Variants in KCNK18 observed in about 807,000 individuals in gnomAD.
The protein encoded by KCNK18 is potassium two pore domain channel subfamily K member 18.
A neutral mutation model predicts 11.8 loss-of-function variants in KCNK18; 8 were observed. That is an observed-to-expected ratio of 0.68 (90% CI 0.40 to 1.22). The LOEUF is 1.22. KCNK18 is among the 50% of genes most tolerant of loss of function. The probability of loss-of-function intolerance (pLI) is 0.01; values close to 1 mark genes in which losing one functional copy is unlikely to be tolerated. For synonymous variants in KCNK18, 208 were observed against 185.8 expected, an observed-to-expected ratio of 1.12 and a Z score of -0.97; for missense variants, 442 against 465.4, an observed-to-expected ratio of 0.95 and a Z score of 0.46.
intron 2 of KCNK18, among the ~76,000 whole-genome samples, chr10:117,203,166 C>T (rs1379102754): frequency 2.6e-5 from 4 of 151,850 alleles, no homozygotes; most frequent in Non-Finnish European, 5.9e-5. Context: ...CGTGAGACAC[C>T]GCGCCTGGCC....
intron 1 of KCNK18, among the ~76,000 whole-genome samples, chr10:117,198,096 C>T (rs1854971563): frequency 6.6e-6 from 1 of 152,118 alleles, no homozygotes. Flanking sequence ...GGTTGGGGGG[C>T]TAGCTTGCTT....
In KCNK18 at chr10:117,209,949, CTGGA is replaced by C. The variant is rs1564992790; in HGVS notation, c.808_811del (p.Asp270LysfsTer61). ...ACTCTCATACTCCATCATCAGCAAC[CTGGA>C]TGAAGTTGGACAGCAGGTGGAGAGG... On this transcript the variant is annotated frameshift_variant, in exon 3 of 3. Transcript: ENST00000334549. LOFTEE classifies it low-confidence loss of function (END_TRUNC). 1 of 1,614,216 alleles carries C rather than the reference CTGGA, an allele frequency of 6.2e-7. No homozygotes were observed. The highest frequency in any genetic ancestry group is 1.1e-5 in the South Asian group (1 of 91,082).
intron 2 of KCNK18, among the ~76,000 whole-genome samples, chr10:117,206,477 C>T (rs143162600): frequency 4.9e-4 from 75 of 152,278 alleles, no homozygotes; most frequent in Admixed American, 1.0e-3. Context: ...CGACAAAGAC[C>T]CACTTACCAA....
intron 2 of KCNK18, among the ~76,000 whole-genome samples, chr10:117,205,448 C>T (rs1392863047): frequency 6.6e-6 from 1 of 152,084 alleles, no homozygotes; most frequent in Middle Eastern, 3.2e-3. Context: ...CCAGAGGCAG[C>T]CAAAAAGGCT....
At chr10:117,209,429 T>C (rs1421085383) in intron 2 of KCNK18, 68 bp from the exon 3 acceptor site, 9 of 1,329,152 alleles carry the variant, frequency 6.8e-6, no homozygotes, top group Admixed American at 1.7e-5. Context: ...AGAAGGTCTC[T>C]TTAAAGCTTT....
At chr10:117,198,094 G>A (rs1325701577) in intron 1 of KCNK18, among the ~76,000 whole-genome samples, 3 of 152,092 alleles carry the variant, frequency 2.0e-5, no homozygotes, top group Non-Finnish European at 4.4e-5. Flanking sequence ...GGGGTTGGGG[G>A]GCTAGCTTGC....
intron 2 of KCNK18, among the ~76,000 whole-genome samples, chr10:117,205,592 G>T (rs989321606): frequency 1.3e-5 from 2 of 152,166 alleles, no homozygotes; most frequent in African/African-American, 4.8e-5. Flanking sequence ...GTCCTGCTGA[G>T]ATTTCTGCCA....
chr10:117,209,897 C>T lies in KCNK18; in HGVS notation c.753C>T (p.Asn251=), dbSNP rs1336162132. 1.9e-6 allele frequency: 3 copies of T among 1,614,102 alleles called. No individual in the cohort carries two copies. Among genetic ancestry groups the T allele is most frequent in the Non-Finnish European group, 2.5e-6 (3 of 1,180,040 alleles). ...CCCCACAAGCCATGGAGAGGAGTAA[C>T]TCGTGTCCCGAACTGGTGTTGGGAA... ...QLPPQAMERS[N]SCPELVLGRL... is the part of the protein sequence containing the mutation. Residue 251 remains asparagine, a synonymous_variant, in exon 3 of 3, where the codon AAC becomes AAT. Transcript: ENST00000334549.
chr10:117,197,566 C>T lies in KCNK18; in HGVS notation c.78C>T (p.Phe26=), dbSNP rs750015105. Residue 26 remains phenylalanine (F), a synonymous_variant, in exon 1 of 3, where the codon TTC becomes TTT. Transcript: ENST00000334549. ...ALGKLFPGLC[F]LCFLVTYALV... is the part of the protein sequence containing the mutation. ...GAAAGCTCTTCCCTGGCCTCTGCTT[C>T]CTCTGCTTTCTGGTGACCTACGCCC... 10 of 1,614,134 alleles carry T rather than the reference C, an allele frequency of 6.2e-6. No homozygotes were observed. The South Asian group carries it at 9.9e-5, about 16-fold the overall frequency.
chr10:117,197,793 G>C lies in KCNK18; in HGVS notation c.223+82G>C, dbSNP rs1292495175. 3.1e-6 allele frequency: 4 copies of C among 1,276,302 alleles called. No individual in the cohort carries two copies. The East Asian group carries it at 9.7e-5, about 31-fold the overall frequency. 79.1% of individuals were successfully genotyped at this position (1,276,302 alleles called of 1,614,324 possible). A position where few individuals can be genotyped will look rare whatever the true frequency, so the allele number is the denominator to read the frequency against. The stretch of plus-strand genomic sequence containing the variant: ...AAGAGCAGAGGGCTGCCTTCTAGGA[G>C]GCTGGGTCTGGGAGCTGCCTGCCTG... On this transcript the variant is annotated intron_variant, in intron 1 of 2. Transcript: ENST00000334549.
At position 117,197,613 on chromosome 10, in the gene KCNK18, C is replaced by G. The variant is rs771076173; in HGVS notation, c.125C>G (p.Ser42Cys). 9 of 1,614,042 alleles carry G rather than the reference C, an allele frequency of 5.6e-6. No individual in the cohort carries two copies. The Admixed American group carries it at 8.3e-5, about 15-fold the overall frequency. Residue 42 changes from serine (S) to cysteine (C), a missense_variant, in exon 1 of 3, where the codon TCT (serine) becomes TGT (cysteine). By Grantham distance (112) the Ser-to-Cys change is moderately radical. Coordinates refer to ENST00000334549, the MANE Select transcript of KCNK18 (RefSeq NM_181840.1). ...GCCCTGGTGGGTGCTGTGGTCTTCTCTGCCATTGAGGACGGCCAGGTCCTG... is the reference window on the plus strand; with the variant it reads ...GCCCTGGTGGGTGCTGTGGTCTTCTGTGCCATTGAGGACGGCCAGGTCCTG... ...TYALVGAVVF[S>C]AIEDGQVLVA...
Position 117,209,743 on chromosome 10 carries a change from CT to C in KCNK18, c.600del (p.Gln201ArgfsTer34). The C allele has an allele frequency of 6.2e-7, 1 of 1,614,176 alleles. No homozygotes were observed. The highest frequency in any genetic ancestry group is 8.5e-7 in the Non-Finnish European group (1 of 1,180,046). Reference protein sequence around the residue: ...PDPKPADEAVPQIIISAEELP... With the variant: ...PDPKPADEAVXQIIISAEELP... The stretch of plus-strand genomic sequence containing the variant: ...CCCAAGCCCGCAGATGAAGCTGTCC[CT>C]CAGATCATCATCAGTGCTGAAGAGC... On this transcript the variant is annotated frameshift_variant, in exon 3 of 3. Transcript: ENST00000334549. LOFTEE classifies it low-confidence loss of function (END_TRUNC).
intron 1 of KCNK18, 39 bp from the exon 2 acceptor site, chr10:117,201,120 G>A (rs1336181256): frequency 3.1e-6 from 5 of 1,613,432 alleles, no homozygotes; most frequent in Non-Finnish European, 4.2e-6. Context: ...TTTACCAGCA[G>A]AACCTTTTCC....
intron 2 of KCNK18, among the ~76,000 whole-genome samples, chr10:117,206,017 T>C (rs1196847306): frequency 6.6e-6 from 1 of 151,968 alleles, no homozygotes; most frequent in Admixed American, 6.6e-5. Context: ...GCACGCCTCT[T>C]CACTCCAGCC....
At position 117,210,267 on chromosome 10, in the gene KCNK18, A is replaced by G; in HGVS notation, c.1123A>G (p.Lys375Glu). Reference protein sequence around the residue: ...IYKNVMLFFAKGKFYHLVKK With the variant: ...IYKNVMLFFAEGKFYHLVKK The stretch of plus-strand genomic sequence containing the variant: ...CAAAAATGTTATGCTATTCTTTGCA[A>G]AAGGGAAGTTTTACCACCTTGTTAA... Residue 375 changes from lysine to glutamate, a missense_variant, in exon 3 of 3, where the codon AAA becomes GAA. Lys to Glu is a moderately conservative substitution (Grantham distance 56). Transcript: ENST00000334549. The G allele has an allele frequency of 6.2e-7, 1 of 1,614,074 alleles. No individual in the cohort carries two copies. Among genetic ancestry groups the G allele is most frequent in the Non-Finnish European group, 8.5e-7 (1 of 1,180,012 alleles).
rs1855127086 is a variant in KCNK18, at chr10:117,210,048, C to T, written c.904C>T (p.Pro302Ser). 2 of 1,614,204 alleles carry T rather than the reference C, an allele frequency of 1.2e-6. No individual in the cohort carries two copies. The highest frequency in any genetic ancestry group is 1.7e-6 in the Non-Finnish European group (2 of 1,180,044). The change falls in exon 3 of 3, where the codon CCC (proline) becomes TCC (serine). Residue 302 changes from proline (P) to serine (S), a missense_variant. Transcript: ENST00000334549. ...CATTTCCTGTGCAGCTGCCATCCTC[C>T]CCTTCTGGGAGACACAGTTGGATTT... ...AYISCAAAILPFWETQLDFEN... is the reference protein window; with the variant it reads ...AYISCAAAILSFWETQLDFEN...
In KCNK18 at chr10:117,197,724, C is replaced by T. The variant is rs372715018; in HGVS notation, c.223+13C>T. On this transcript the variant is annotated intron_variant, in intron 1 of 2. Transcript: ENST00000334549. ...TGCAGTGAAACAGGTAGGTGCCTCACCTGGACAGGGTGGGCCTTTTCTCCG... is the reference window on the plus strand; with the variant it reads ...TGCAGTGAAACAGGTAGGTGCCTCATCTGGACAGGGTGGGCCTTTTCTCCG... 18 of 1,611,300 alleles carry T rather than the reference C, an allele frequency of 1.1e-5. No individual in the cohort carries two copies. The South Asian group carries it at 1.2e-4, about 11-fold the overall frequency.
In KCNK18 at chr10:117,197,832, C is replaced by A. The variant is rs1372068819; in HGVS notation, c.223+121C>A. The A allele has an allele frequency of 1.1e-5, 9 of 808,872 alleles. No individual in the cohort carries two copies. In the Admixed American group the frequency reaches 1.8e-4, roughly 16 times the overall value. 50.1% of individuals were successfully genotyped at this position (808,872 alleles called of 1,614,324 possible). ...GCTGCCTGCCTGGATCCTCCTCATGCCTGGGCACTTTAAGCGAGTAACTTC... is the reference window on the plus strand; with the variant it reads ...GCTGCCTGCCTGGATCCTCCTCATGACTGGGCACTTTAAGCGAGTAACTTC... On this transcript the variant is annotated intron_variant, in intron 1 of 2. Transcript: ENST00000334549.
At chr10:117,204,092 T>C (rs1855047719) in intron 2 of KCNK18, among the ~76,000 whole-genome samples, 1 of 151,676 alleles carries the variant, frequency 6.6e-6, no homozygotes, top group African/African-American at 2.4e-5. Context: ...TGAGACCTCA[T>C]CTCTACAAAA....
Sources: allele counts gnomAD v4.1 joint callset (sites outside exome capture counted in the v4.1 genomes callset), GRCh38; gene constraint gnomAD v4.1.1; transcripts MANE v1.5; gene names NCBI Gene and HGNC (gene_info 2026-07-23, HGNC 2026-07-21).